Variants in SNX24 observed in about 807,000 individuals in gnomAD.
SNX24 encodes the protein sorting nexin 24.
Under a neutral mutation model 28.7 loss-of-function variants are expected in SNX24, and 22 were observed. The observed-to-expected ratio is 0.77, with a 90% CI of 0.55 to 1.10. The LOEUF is 1.10. Among genes scored for constraint, SNX24 ranks in the 50% least tolerant of loss-of-function variants. The pLI is 0.00. For synonymous variants in SNX24, 69 were observed against 71.5 expected (o/e 0.96, Z 0.18); for missense variants, 221 against 201.1 (o/e 1.10, Z -0.60).
At chr5:122,893,762 A>G (rs372092979) in intron 1 of SNX24, among the ~76,000 whole-genome samples, 5 of 152,108 alleles carry the variant, frequency 3.3e-5, no homozygotes, top group Non-Finnish European at 7.4e-5. Flanking sequence ...AGTTACTTGA[A>G]GCCAGGAGCA....
chr5:122,940,032 C>G (rs1478431092), intron 2 of SNX24, among the ~76,000 whole-genome samples: 5 of 151,916 alleles, frequency 3.3e-5, no homozygotes, highest in Non-Finnish European at 5.9e-5. Context: ...CTCTTTTGCC[C>G]AGGCTGGAAT....
intron 3 of SNX24, among the ~76,000 whole-genome samples, chr5:122,986,020 G>C (rs752999489): frequency 7.2e-5 from 11 of 152,234 alleles, no homozygotes; most frequent in Non-Finnish European, 1.6e-4. Context: ...TTATCAGAGA[G>C]TAAGAATGAG....
chr5:122,988,939 A>C (rs1317127998), intron 3 of SNX24, among the ~76,000 whole-genome samples: 1 of 152,150 alleles, frequency 6.6e-6, no homozygotes, highest in African/African-American at 2.4e-5. Context: ...TAAAGTAGTA[A>C]ATTAAAAATA....
downstream of SNX24, among the ~76,000 whole-genome samples, chr5:123,010,967 A>G (rs534194843): frequency 3.3e-4 from 50 of 152,010 alleles, 1 homozygote; most frequent in African/African-American, 1.1e-3. Context: ...AACCACTACC[A>G]TATTGATAGA....
intron 1 of SNX24, among the ~76,000 whole-genome samples, chr5:122,868,655 C>T (rs1581687383): frequency 1.3e-5 from 2 of 152,198 alleles, no homozygotes; most frequent in Admixed American, 6.5e-5. Context: ...TTCTGGGACC[C>T]ACTCAAAACT....
intron 3 of SNX24, among the ~76,000 whole-genome samples, chr5:122,966,722 C>T (rs771702982): frequency 6.6e-6 from 1 of 152,150 alleles, no homozygotes; most frequent in African/African-American, 2.4e-5. Flanking sequence ...CCTTGCTGAG[C>T]ACTAGTCTCC....
chr5:122,949,792 T>G (rs1328808764), intron 3 of SNX24, among the ~76,000 whole-genome samples: 8 of 152,202 alleles, frequency 5.3e-5, no homozygotes, highest in Non-Finnish European at 1.5e-5. Context: ...ATGATTTGAT[T>G]AGAAACAAAT....
intron 5 of SNX24, among the ~76,000 whole-genome samples, chr5:123,025,153 G>T (rs1232230963): frequency 6.6e-6 from 1 of 152,030 alleles, no homozygotes; most frequent in Non-Finnish European, 1.5e-5. Flanking sequence ...TTTAATTCTG[G>T]TAAGAAATAC....
intron 1 of SNX24, among the ~76,000 whole-genome samples, chr5:122,880,846 A>T (rs755906093): frequency 6.6e-6 from 1 of 152,188 alleles, no homozygotes; most frequent in African/African-American, 2.4e-5. Flanking sequence ...TAAACTAACC[A>T]CAACCAGCAT....
chr5:122,900,634 T>C (rs1372212973), intron 1 of SNX24, among the ~76,000 whole-genome samples: 1 of 151,944 alleles, frequency 6.6e-6, no homozygotes, highest in Non-Finnish European at 1.5e-5. Context: ...CCAGGTATGG[T>C]GGCACACACC....
intron 1 of SNX24, among the ~76,000 whole-genome samples, chr5:122,854,528 C>CA (rs1229972982): frequency 5.9e-3 from 591 of 99,460 alleles, no homozygotes; most frequent in Non-Finnish European, 8.5e-3. Flanking sequence ...AAAAAAAAAA[C>CA]AAAAAAAAAA....
chr5:122,962,929 G>T (rs1760546812), intron 3 of SNX24, among the ~76,000 whole-genome samples: 1 of 152,138 alleles, frequency 6.6e-6, no homozygotes, highest in Non-Finnish European at 1.5e-5. Context: ...TAAGGTGAAT[G>T]TTTTGGGTTA....
Position 123,007,910 on chromosome 5 carries a change from A to G in SNX24, c.*161A>G. The G allele has an allele frequency of 7.0e-7, 1 of 1,430,096 alleles. No individual in the cohort carries two copies. Among genetic ancestry groups the G allele is most frequent in the Non-Finnish European group, 9.2e-7 (1 of 1,090,062 alleles). 88.6% of individuals were successfully genotyped at this position (1,430,096 alleles called of 1,614,324 possible). A position where few individuals can be genotyped will look rare whatever the true frequency, so the allele number is the denominator to read the frequency against. ...TTCAGGGCAGGGACATTTCCATTAG[A>G]ATGGTGCTCTTAAAAATAGAAACTG... On this transcript the variant is annotated 3_prime_UTR_variant, in exon 7 of 7. Transcript: ENST00000261369.
intron 3 of SNX24, among the ~76,000 whole-genome samples, chr5:122,977,766 A>G (rs1761227607): frequency 6.6e-6 from 1 of 152,228 alleles, no homozygotes; most frequent in Non-Finnish European, 1.5e-5. Flanking sequence ...GAGTAGAGGA[A>G]TTAGGTATAC....
chr5:122,999,479 T>C (rs62377431), intron 3 of SNX24, among the ~76,000 whole-genome samples: 35,883 of 138,534 alleles, frequency 0.26, 5,348 homozygotes, highest in Non-Finnish European at 0.38. Flanking sequence ...CACACACACA[T>C]GTATACATAA....
intron 3 of SNX24, among the ~76,000 whole-genome samples, chr5:122,964,134 T>G (rs2150141104): frequency 6.7e-6 from 1 of 150,294 alleles, no homozygotes; most frequent in South Asian, 2.1e-4. Flanking sequence ...TCCCAGCTAC[T>G]TGGGAGGCTG....
intron 3 of SNX24, among the ~76,000 whole-genome samples, chr5:122,969,527 G>A (rs76996714): frequency 0.057 from 8,679 of 152,090 alleles, 356 homozygotes; most frequent in Non-Finnish European, 0.088. Context: ...GCTATTTCCC[G>A]ACCCTTGCAG....
chr5:122,972,921 T>C (rs1172424760), intron 3 of SNX24, among the ~76,000 whole-genome samples: 1 of 152,200 alleles, frequency 6.6e-6, no homozygotes, highest in Non-Finnish European at 1.5e-5. Context: ...TCGGCCTTGC[T>C]GAGTGTAAGT....
chr5:123,015,267 C>T (rs1207960279), intron 5 of SNX24, among the ~76,000 whole-genome samples: 1 of 152,168 alleles, frequency 6.6e-6, no homozygotes, highest in African/African-American at 2.4e-5. Flanking sequence ...CTGCATATTC[C>T]ATAGCAGGGG....
Sources: gnomAD v4.1 joint callset for allele counts (sites outside exome capture counted in the v4.1 genomes callset) on GRCh38, gnomAD v4.1.1 for gene constraint, MANE v1.5 for transcripts, NCBI Gene and HGNC (gene_info 2026-07-23, HGNC 2026-07-21) for gene names.